GRID2: variants seen among roughly 807,000 people sequenced by gnomAD.
GRID2 encodes glutamate receptor ionotropic, delta-2.
GRID2 carries 33 observed loss-of-function variants against 114.8 expected under a neutral mutation model. That is an observed-to-expected ratio of 0.29 (90% CI 0.22 to 0.38). The LOEUF is 0.38. Among genes scored for constraint, GRID2 ranks in the 10% least tolerant of loss-of-function variants. The pLI is 1.00. For synonymous variants in GRID2, 505 were observed against 449.9 expected (o/e 1.12, Z -1.55); for missense variants, 1,184 against 1,257.7 (o/e 0.94, Z 0.89).
chr4:92,577,280 A>C (rs1271772306), intron 1 of GRID2, among the ~76,000 whole-genome samples: 1 of 152,150 alleles, frequency 6.6e-6, no homozygotes, highest in South Asian at 2.1e-4. Flanking sequence ...TCTCATATAG[A>C]GTATACAGGG....
At chr4:93,275,979 A>T (rs1752017669) in intron 8 of GRID2, among the ~76,000 whole-genome samples, 1 of 151,824 alleles carries the variant, frequency 6.6e-6, no homozygotes, top group South Asian at 2.1e-4. Context: ...TTGAATCTAT[A>T]CTTTTTCTGT....
At chr4:92,332,669 A>T (rs1316181507) in intron 1 of GRID2, among the ~76,000 whole-genome samples, 1 of 152,240 alleles carries the variant, frequency 6.6e-6, no homozygotes, top group Non-Finnish European at 1.5e-5. Flanking sequence ...TCCATCTGTG[A>T]AATTAACAAG....
chr4:93,110,974 G>T (rs2271385), intron 4 of GRID2, 21 bp downstream of exon 4: 100 of 1,491,612 alleles, frequency 6.7e-5, no homozygotes, highest in Non-Finnish European at 8.4e-5. Flanking sequence ...ATTGTCTTGG[G>T]GTGAGAGTTG....
chr4:93,313,187 G>C (rs1001493289), intron 8 of GRID2, among the ~76,000 whole-genome samples: 1 of 151,976 alleles, frequency 6.6e-6, no homozygotes, highest in Non-Finnish European at 1.5e-5. Flanking sequence ...AAGGGACATT[G>C]ACATAATCTG....
At chr4:92,793,942 A>G (rs1054288925) in intron 2 of GRID2, among the ~76,000 whole-genome samples, 1 of 151,892 alleles carries the variant, frequency 6.6e-6, no homozygotes, top group Non-Finnish European at 1.5e-5. Context: ...GTACATTGAC[A>G]TTCAATTGGT....
At chr4:92,931,719 G>C (rs1285080901) in intron 2 of GRID2, among the ~76,000 whole-genome samples, 1 of 150,202 alleles carries the variant, frequency 6.7e-6, no homozygotes, top group Non-Finnish European at 1.5e-5. Context: ...AATATGATTT[G>C]ATTATTTTTT....
At chr4:92,637,352 A>G (rs1208671117) in intron 2 of GRID2, among the ~76,000 whole-genome samples, 1 of 152,068 alleles carries the variant, frequency 6.6e-6, no homozygotes, top group African/African-American at 2.4e-5. Context: ...AGCAGTATGT[A>G]GAGTAAGTTA....
At chr4:92,540,350 T>C (rs1195242342) in intron 1 of GRID2, among the ~76,000 whole-genome samples, 1 of 151,920 alleles carries the variant, frequency 6.6e-6, no homozygotes, top group Non-Finnish European at 1.5e-5. Flanking sequence ...ACCATCAGAG[T>C]GAACAGGCAA....
intron 12 of GRID2, among the ~76,000 whole-genome samples, chr4:93,503,834 A>T (rs564559755): frequency 1.9e-4 from 29 of 152,110 alleles, no homozygotes; most frequent in East Asian, 1.7e-3. Context: ...AGATAAATTT[A>T]AAAAAAATAT....
chr4:92,689,368 G>T (rs566123273), intron 2 of GRID2, among the ~76,000 whole-genome samples: 2 of 152,110 alleles, frequency 1.3e-5, no homozygotes, highest in African/African-American at 4.8e-5. Context: ...TCTACATTTA[G>T]AATCTGTTAT....
intron 8 of GRID2, among the ~76,000 whole-genome samples, chr4:93,247,613 G>A (rs1440905162): frequency 1.3e-5 from 2 of 151,952 alleles, no homozygotes; most frequent in Non-Finnish European, 2.9e-5. Flanking sequence ...AGGCCCTTGG[G>A]TTTAGACTGA....
chr4:93,204,136 C>T (rs569051174), intron 4 of GRID2: 6 of 152,204 alleles, frequency 3.9e-5, no homozygotes, highest in African/African-American at 1.4e-4. Flanking sequence ...TTCTGATAAA[C>T]TTTGTATCCA....
At chr4:92,489,539 T>C (rs920340798) in intron 1 of GRID2, among the ~76,000 whole-genome samples, 9 of 152,128 alleles carry the variant, frequency 5.9e-5, no homozygotes, top group Non-Finnish European at 1.3e-4. Context: ...TTCATCTAAT[T>C]TGTTCATTAT....
chr4:93,271,152 G>A (rs1561069555), intron 8 of GRID2, among the ~76,000 whole-genome samples: 1 of 152,118 alleles, frequency 6.6e-6, no homozygotes, highest in Admixed American at 6.5e-5. Flanking sequence ...CTCTTGTCTG[G>A]GTCAACCTGG....
chr4:93,284,719 G>A (rs1443893546), intron 8 of GRID2, among the ~76,000 whole-genome samples: 1 of 151,618 alleles, frequency 6.6e-6, no homozygotes, highest in Non-Finnish European at 1.5e-5. Flanking sequence ...GTGACAGAAT[G>A]TATACATTAT....
At chr4:92,926,351 A>G (rs755692450) in intron 2 of GRID2, among the ~76,000 whole-genome samples, 4 of 151,976 alleles carry the variant, frequency 2.6e-5, no homozygotes, top group Non-Finnish European at 5.9e-5. Context: ...GAAAGCTACT[A>G]TTTTGTAGTG....
Position 92,939,416 on chromosome 4 carries a change from GT to G in GRID2, c.245-145572del, listed in dbSNP as rs1162283091. Among the ~76,000 whole-genome samples, 2 of 146,874 alleles carry G rather than the reference GT, an allele frequency of 1.4e-5. 1 individual carries two copies. The highest frequency in any genetic ancestry group is 4.3e-4 in the East Asian group (2 of 4,628). ...CACCCACTTTTTGATGGGGTTGTTT[GT>G]TTTTTTCTTGTAAATTTGTTTGAGT... On this transcript the variant is annotated intron_variant, in intron 2 of 15. Coordinates refer to ENST00000282020, the MANE Select transcript of GRID2 (RefSeq NM_001510.4).
chr4:92,866,007 A>G lies in GRID2; in HGVS notation c.245-218988A>G, dbSNP rs573665083. On this transcript the variant is annotated intron_variant, in intron 2 of 15. Coordinates refer to ENST00000282020, the MANE Select transcript of GRID2 (RefSeq NM_001510.4). ...AGTAAATTGATAAAAAATGGAGAAG[A>G]CATGTAAGCAGTTATTATTCATTTA... Among the ~76,000 whole-genome samples, 6 of 152,338 alleles carry G rather than the reference A, an allele frequency of 3.9e-5. No individual in the cohort carries two copies. The South Asian group carries it at 1.2e-3, about 32-fold the overall frequency.
intron 2 of GRID2, among the ~76,000 whole-genome samples, chr4:92,844,062 T>G (rs1743112764): frequency 6.6e-6 from 1 of 152,170 alleles, no homozygotes; most frequent in Non-Finnish European, 1.5e-5. Context: ...ATTGATAATC[T>G]ATTAAGTTGA....
Sources: allele counts gnomAD v4.1 joint callset (sites outside exome capture counted in the v4.1 genomes callset), GRCh38; gene constraint gnomAD v4.1.1; transcripts MANE v1.5; gene names NCBI Gene and HGNC (gene_info 2026-07-23, HGNC 2026-07-21).